The following EFR3A variants were observed in gnomAD, a reference collection of about 807,000 sequenced individuals.
EFR3A encodes the protein protein EFR3 homolog A.
A neutral mutation model predicts 104.4 loss-of-function variants in EFR3A; 76 were observed. The observed-to-expected ratio is 0.73, with a 90% CI of 0.60 to 0.88. The LOEUF (loss-of-function observed/expected upper bound fraction) is 0.88. Ranked by LOEUF, EFR3A falls within the 40% of genes least tolerant of loss-of-function variation. The pLI is 0.00. For synonymous variants in EFR3A, 330 were observed against 330.0 expected, an observed-to-expected ratio of 1.00 and a Z score of 0.00; for missense variants, 985 against 1,012.5, an observed-to-expected ratio of 0.97 and a Z score of 0.37.
chr8:131,922,292 A>G (rs994616860), intron 1 of EFR3A, among the ~76,000 whole-genome samples: 6 of 152,112 alleles, frequency 3.9e-5, no homozygotes, highest in Non-Finnish European at 8.8e-5. Flanking sequence ...TAAAGTCACA[A>G]TGGCAGGTAT....
At chr8:131,987,877 T>G (rs2130766962) in intron 18 of EFR3A, among the ~76,000 whole-genome samples, 175 bp downstream of exon 18, 1 of 152,304 alleles carries the variant, frequency 6.6e-6, no homozygotes, top group South Asian at 2.1e-4. Flanking sequence ...ATTGAAAACC[T>G]TCAGTAAATC....
intron 1 of EFR3A, among the ~76,000 whole-genome samples, chr8:131,927,267 G>A (rs1487246178): frequency 6.6e-6 from 1 of 152,172 alleles, no homozygotes; most frequent in Non-Finnish European, 1.5e-5. Flanking sequence ...GACAACATGA[G>A]CAGAAGCCTG....
At position 131,904,209 on chromosome 8, in the gene EFR3A, C is replaced by G. The variant is rs1161908166; in HGVS notation, c.-104C>G. 3.3e-6 allele frequency: 4 copies of G among 1,215,340 alleles called. No homozygotes were observed. Among genetic ancestry groups the G allele is most frequent in the East Asian group, 6.4e-5 (2 of 31,070 alleles). 75.3% of individuals were successfully genotyped at this position (1,215,340 alleles called of 1,614,324 possible). Reference sequence around the variant, plus strand: ...ACCCTTCGCCCTTCGCCCTTCGCCTCGTTCCGGCCTCCGCGGCCCAGCAAC... The same window carrying G: ...ACCCTTCGCCCTTCGCCCTTCGCCTGGTTCCGGCCTCCGCGGCCCAGCAAC... On this transcript the variant is annotated 5_prime_UTR_variant, in exon 1 of 23. Coordinates refer to ENST00000254624, the MANE Select transcript of EFR3A (RefSeq NM_015137.6).
intron 19 of EFR3A, among the ~76,000 whole-genome samples, chr8:131,999,418 A>G (rs1821673272): frequency 6.6e-6 from 1 of 152,196 alleles, no homozygotes; most frequent in Admixed American, 6.5e-5. Flanking sequence ...AAAAAGATGA[A>G]TGGCAGATTT....
rs771315600 is a variant in EFR3A, at chr8:131,955,894, A to G, written c.765A>G (p.Arg255=). 2.5e-6 allele frequency: 4 copies of G among 1,612,616 alleles called. No homozygotes were observed. In the African/African-American group the frequency reaches 5.3e-5, roughly 22 times the overall value. The change falls in exon 7 of 23, where the codon AGA becomes AGG. Residue 255 remains arginine, a synonymous_variant. Coordinates refer to ENST00000254624, the MANE Select transcript of EFR3A (RefSeq NM_015137.6). ...ATFGNMNNAV[R]PVFAHLDHHK... ...TTGGGAATATGAATAATGCTGTTAG[A>G]CCAGTTTTTGCGTAAGTAGTTGGTG... is the stretch of plus-strand genomic sequence containing the variant.
At chr8:131,965,478 C>T (rs1307254768) in intron 8 of EFR3A, among the ~76,000 whole-genome samples, 2 of 152,172 alleles carry the variant, frequency 1.3e-5, no homozygotes, top group Non-Finnish European at 2.9e-5. Flanking sequence ...CATCACTGGC[C>T]ATCAGATAAA....
At chr8:131,990,222 A>G (rs945773495) in intron 18 of EFR3A, among the ~76,000 whole-genome samples, 1 of 152,370 alleles carries the variant, frequency 6.6e-6, no homozygotes, top group Admixed American at 6.5e-5. Flanking sequence ...TTCTAGGTGC[A>G]TAGGAAATAA....
chr8:131,927,564 G>A (rs940702455), intron 1 of EFR3A, among the ~76,000 whole-genome samples: 2 of 152,124 alleles, frequency 1.3e-5, no homozygotes, highest in African/African-American at 4.8e-5. Flanking sequence ...AGACACGGAA[G>A]TGAACATGGG....
chr8:132,010,098 A>G (rs1176938257), intron 22 of EFR3A, among the ~76,000 whole-genome samples: 3 of 151,920 alleles, frequency 2.0e-5, no homozygotes, highest in Non-Finnish European at 2.9e-5. Context: ...AGAATGAATT[A>G]TCTCCTACCT....
chr8:131,914,083 G>A (rs1366185665), intron 1 of EFR3A, among the ~76,000 whole-genome samples: 1 of 152,182 alleles, frequency 6.6e-6, no homozygotes, highest in Non-Finnish European at 1.5e-5. Context: ...CAGGTTATCA[G>A]TTCTTGCATT....
intron 11 of EFR3A, 113 bp from the exon 12 acceptor site, chr8:131,976,928 A>G (rs1375062734): frequency 1.4e-6 from 1 of 714,164 alleles, no homozygotes; most frequent in African/African-American, 1.8e-5. Context: ...AAACTGTTAC[A>G]AAAATAAAAT....
At chr8:131,987,550 ATTG>A (rs1820949016) in intron 17 of EFR3A, 22 bp from the exon 18 acceptor site, 1 of 1,573,958 alleles carries the variant, frequency 6.4e-7, no homozygotes, top group Admixed American at 1.9e-5. Context: ...ATACTGAATG[ATTG>A]TTGTTTTGAT....
At chr8:131,972,818 G>A (rs1293069754) in intron 10 of EFR3A, among the ~76,000 whole-genome samples, 2 of 151,774 alleles carry the variant, frequency 1.3e-5, no homozygotes, top group Non-Finnish European at 2.9e-5. Flanking sequence ...TTCACTTATG[G>A]GCTACTTATT....
intron 10 of EFR3A, among the ~76,000 whole-genome samples, chr8:131,972,472 T>C (rs1173247928): frequency 6.6e-6 from 1 of 151,754 alleles, no homozygotes; most frequent in Non-Finnish European, 1.5e-5. Context: ...TTTTTTTTTT[T>C]CCTGTCTGTA....
chr8:131,985,164 G>A, intron 16 of EFR3A, 104 bp downstream of exon 16: 2 of 1,160,754 alleles, frequency 1.7e-6, no homozygotes, highest in East Asian at 2.4e-5. Flanking sequence ...ATCAAATTAA[G>A]GTAATTCTAT....
intron 1 of EFR3A, among the ~76,000 whole-genome samples, chr8:131,911,128 G>A (rs1347146841): frequency 6.6e-6 from 1 of 152,072 alleles, no homozygotes; most frequent in Non-Finnish European, 1.5e-5. Context: ...CAATTCAAAG[G>A]CATACTAAGA....
At chr8:132,008,792 G>A (rs1003370548) in intron 22 of EFR3A, among the ~76,000 whole-genome samples, 2 of 123,176 alleles carry the variant, frequency 1.6e-5, no homozygotes, top group Non-Finnish European at 3.2e-5. Flanking sequence ...GTTACAGTGA[G>A]CCAAGATCAC....
chr8:131,935,604 A>G (rs1461209009), intron 1 of EFR3A: 2 of 336,428 alleles, frequency 5.9e-6, no homozygotes, highest in South Asian at 2.2e-5. Flanking sequence ...TGTAGATACT[A>G]TTATTGTATG....
intron 1 of EFR3A, among the ~76,000 whole-genome samples, chr8:131,915,923 C>T (rs992564739): frequency 1.2e-4 from 19 of 152,136 alleles, no homozygotes; most frequent in Admixed American, 3.9e-4. Flanking sequence ...ACTGAGGATA[C>T]GGTGCTATCC....
Sources: allele counts gnomAD v4.1 joint callset (sites outside exome capture counted in the v4.1 genomes callset), GRCh38; gene constraint gnomAD v4.1.1; transcripts MANE v1.5; gene names NCBI Gene and HGNC (gene_info 2026-07-23, HGNC 2026-07-21).